Variants in NID1 observed in about 807,000 individuals in gnomAD.
NID1 encodes nidogen 1, also known as nidogen-1.
NID1 carries 76 observed loss-of-function variants against 130.6 expected under a neutral mutation model. The observed-to-expected ratio is 0.58, with a 90% CI of 0.48 to 0.70. The LOEUF (loss-of-function observed/expected upper bound fraction) is 0.70. Ranked by LOEUF, NID1 falls within the 30% of genes least tolerant of loss-of-function variation. The pLI is 0.00. For synonymous variants in NID1, 665 were observed against 675.1 expected, an observed-to-expected ratio of 0.98 and a Z score of 0.23; for missense variants, 1,517 against 1,664.8, an observed-to-expected ratio of 0.91 and a Z score of 1.54.
chr1:236,026,033 T>C lies in NID1; in HGVS notation c.1847A>G (p.Gln616Arg). Residue 616 changes from glutamine to arginine, a missense_variant, in exon 8 of 20, where the codon CAG (glutamine) becomes CGG (arginine). Coordinates refer to ENST00000264187, the MANE Select transcript of NID1 (RefSeq NM_002508.3). The stretch of plus-strand genomic sequence containing the variant: ...CCGGGAGTCATCGTGGACGCATTCC[T>C]GGAAGGTGATGGTCTGGCGCCACTG... ...TYQWRQTITF[Q>R]ECVHDDSRPA... 3.1e-6 allele frequency: 5 copies of C among 1,612,720 alleles called. No individual in the cohort carries two copies. The highest frequency in any genetic ancestry group is 2.2e-5 in the East Asian group (1 of 44,790).
intron 14 of NID1, among the ~76,000 whole-genome samples, chr1:235,985,752 G>GTATA (rs1344443671): frequency 1.4e-5 from 2 of 146,990 alleles, no homozygotes; most frequent in African/African-American, 5.1e-5. Context: ...GTGTGTGTGT[G>GTATA]TGTATATATA....
chr1:236,052,640 G>C (rs932890752), intron 1 of NID1, among the ~76,000 whole-genome samples: 4 of 152,206 alleles, frequency 2.6e-5, no homozygotes, highest in Non-Finnish European at 4.4e-5. Context: ...GCCACCGTCT[G>C]TGTGGGGTGT....
chr1:236,031,126 C>CT (rs199921866), intron 6 of NID1, among the ~76,000 whole-genome samples: 4,827 of 148,074 alleles, frequency 0.033, 95 homozygotes, highest in African/African-American at 0.058. Context: ...TTCTTTTTTT[C>CT]TTTTTTTTTT....
At chr1:236,021,803 A>G (rs576226731) in intron 9 of NID1, among the ~76,000 whole-genome samples, 120 of 152,234 alleles carry the variant, frequency 7.9e-4, no homozygotes, top group Non-Finnish European at 1.5e-3. Flanking sequence ...TCTTGCCCTT[A>G]GTAGTGGACT....
intron 12 of NID1, among the ~76,000 whole-genome samples, chr1:236,004,798 G>A (rs998255827): frequency 6.8e-6 from 1 of 148,132 alleles, no homozygotes; most frequent in Admixed American, 6.7e-5. Flanking sequence ...AAACTAAAGG[G>A]GCTAGAAGAG....
rs2071529 is a variant in NID1 at position 236,064,988 on chromosome 1, C to T, written c.92G>A (p.Arg31His). 6 of 1,568,328 alleles carry T rather than the reference C, an allele frequency of 3.8e-6. No homozygotes were observed. The Admixed American group carries it at 5.6e-5, about 15-fold the overall frequency. ...GGGGCCGAAGGGAAAGAGCTCCTGG[C>T]GGCTCAGGCAGCCCACAGGCCCCGC... ...LLAGPVGCLS[R>H]QELFPFGPGQ... Residue 31 changes from arginine to histidine, a missense_variant, in exon 1 of 20, where the codon CGC (arginine) becomes CAC (histidine). By Grantham distance (29) the Arg-to-His change is conservative. Transcript: ENST00000264187.
At chr1:236,011,333 C>G (rs1182239766) in intron 12 of NID1, among the ~76,000 whole-genome samples, 1 of 148,090 alleles carries the variant, frequency 6.8e-6, no homozygotes, top group Non-Finnish European at 1.5e-5. Context: ...GAGGCAGTCC[C>G]ACTCTGTCAC....
chr1:236,049,043 T>TA, intron 1 of NID1, 54 bp from the exon 2 acceptor site: 1 of 1,564,434 alleles, frequency 6.4e-7, no homozygotes, highest in Non-Finnish European at 8.7e-7. Flanking sequence ...CCTTTCTCAG[T>TA]AAGACTGAGC....
At chr1:235,996,587 A>G (rs145943934) in intron 12 of NID1, among the ~76,000 whole-genome samples, 1,900 of 151,908 alleles carry the variant, frequency 0.013, 36 homozygotes, top group African/African-American at 0.032. Context: ...ATCTACAGGC[A>G]TGCGTCACCA....
At chr1:235,987,547 A>C (rs1657611096) in intron 14 of NID1, among the ~76,000 whole-genome samples, 1 of 152,192 alleles carries the variant, frequency 6.6e-6, no homozygotes, top group Non-Finnish European at 1.5e-5. Flanking sequence ...GACAGTGAGG[A>C]GTTCCTTTCT....
rs1660152417 is a variant in NID1 at position 236,064,964 on chromosome 1, G to A, written c.116C>T (p.Pro39Leu). Residue 39 changes from proline (P) to leucine (L), a missense_variant, in exon 1 of 20, where the codon CCC (proline) becomes CTC (leucine). Pro to Leu is a moderately conservative substitution (Grantham distance 98). This residue lies in a region of NID1 where 1,329 missense variants were observed against 1,429.2 expected (regional missense o/e 0.93). Transcript: ENST00000264187. The stretch of plus-strand genomic sequence containing the variant: ...CTCCAGCTCCAGGTCCCCCTGTCCG[G>A]GGCCGAAGGGAAAGAGCTCCTGGCG... The part of the protein sequence containing the change: ...LSRQELFPFG[P>L]GQGDLELEDG... 1.9e-6 allele frequency: 3 copies of A among 1,595,860 alleles called. No individual in the cohort carries two copies. Among genetic ancestry groups the A allele is most frequent in the Non-Finnish European group, 2.6e-6 (3 of 1,171,946 alleles).
chr1:235,989,955 T>C (rs899763013), intron 14 of NID1, among the ~76,000 whole-genome samples: 2 of 152,212 alleles, frequency 1.3e-5, no homozygotes, highest in African/African-American at 4.8e-5. Flanking sequence ...CCAGATCCTA[T>C]AGGGCTTTGA....
At chr1:235,990,025 G>A (rs1187386497) in intron 14 of NID1, among the ~76,000 whole-genome samples, 7 of 152,232 alleles carry the variant, frequency 4.6e-5, no homozygotes, top group South Asian at 2.1e-4. Context: ...TGAGAGCTTT[G>A]TGCAGGAAAA....
chr1:236,014,455 C>T lies in NID1; in HGVS notation c.2255-895G>A, dbSNP rs1226398332. On this transcript the variant is annotated intron_variant, in intron 10 of 19. Transcript: ENST00000264187. ...AAAATGCAATGGTGCCTTAGGAACC[C>T]CAGAGTAACTGAACCAGCTGAAAAT... Among the ~76,000 whole-genome samples the T allele has an allele frequency of 2.0e-5, 3 of 152,016 alleles. No homozygotes were observed. The South Asian group carries it at 6.2e-4, about 32-fold the overall frequency.
At chr1:236,031,285 A>AT (rs369298659) in intron 6 of NID1, among the ~76,000 whole-genome samples, 3,564 of 151,958 alleles carry the variant, frequency 0.023, 115 homozygotes, top group African/African-American at 0.08. Context: ...CACCTGGCTA[A>AT]TTTTTTGTAT....
intron 1 of NID1, among the ~76,000 whole-genome samples, chr1:236,061,408 G>A (rs539503213): frequency 3.9e-5 from 6 of 152,188 alleles, no homozygotes; most frequent in South Asian, 2.1e-4. Flanking sequence ...ATCACTTGCC[G>A]GCTAATGTTA....
At chr1:236,050,186 G>A (rs1659726870) in intron 1 of NID1, among the ~76,000 whole-genome samples, 1 of 152,172 alleles carries the variant, frequency 6.6e-6, no homozygotes, top group African/African-American at 2.4e-5. Flanking sequence ...CTCCAAAATT[G>A]GTCCTTTTCC....
intron 12 of NID1, among the ~76,000 whole-genome samples, chr1:236,003,560 CCAAGTGCTAT>C (rs1450647847): frequency 1.3e-5 from 2 of 152,160 alleles, no homozygotes; most frequent in Non-Finnish European, 2.9e-5. Flanking sequence ...ACCAATTGTG[CCAAGTGCTAT>C]CAAGAAATGA....
At chr1:236,008,569 T>G (rs1310460651) in intron 12 of NID1, among the ~76,000 whole-genome samples, 1 of 152,132 alleles carries the variant, frequency 6.6e-6, no homozygotes, top group Non-Finnish European at 1.5e-5. Flanking sequence ...GGTGCAATCT[T>G]GGCTTACTGT....
Sources: allele counts gnomAD v4.1 joint callset (sites outside exome capture counted in the v4.1 genomes callset), GRCh38; gene constraint gnomAD v4.1.1; regional missense constraint gnomAD v4.1.1; transcripts MANE v1.5; gene names NCBI Gene and HGNC (gene_info 2026-07-23, HGNC 2026-07-21).